Variants in EMC3 observed in about 807,000 individuals in gnomAD.
EMC3 encodes 30 kDa protein.
A neutral mutation model predicts 36.6 loss-of-function variants in EMC3; 13 were observed. The observed-to-expected ratio is 0.35, with a 90% CI of 0.23 to 0.56. EMC3 has a LOEUF of 0.56. Among genes scored for constraint, EMC3 ranks in the 20% least tolerant of loss-of-function variants. The pLI, the probability that EMC3 is intolerant of heterozygous loss-of-function variation, is 0.84. For synonymous variants in EMC3, 120 were observed against 111.9 expected (o/e 1.07, Z -0.46); for missense variants, 220 against 324.5 (o/e 0.68, Z 2.47).
At chr3:9,990,325 C>CTCTCTTTT (rs756491768), upstream of EMC3, among the ~76,000 whole-genome samples, 202 of 88,692 alleles carry the variant, frequency 2.3e-3, 3 homozygotes, top group African/African-American at 0.011. Flanking sequence ...GGGCCTTTCT[C>CTCTCTTTT]TTTTTTTTTT....
At chr3:9,988,366 T>G, upstream of EMC3, 1 of 1,145,806 alleles carries the variant, frequency 8.7e-7, no homozygotes, top group African/African-American at 1.5e-5. Flanking sequence ...TCTCTGCTAC[T>G]TGTAATTCCT....
intron 7 of EMC3, among the ~76,000 whole-genome samples, chr3:9,965,543 C>T (rs546421497): frequency 6.6e-6 from 1 of 152,082 alleles, no homozygotes; most frequent in Admixed American, 6.6e-5. Context: ...TACAATTTAC[C>T]CCTTTAATGT....
Position 9,994,039 on chromosome 3 carries a change from T to A in EMC3, c.-241-7137A>T, listed in dbSNP as rs2086091322. 1.3e-5 allele frequency: 15 copies of A among 1,140,086 alleles called. No homozygotes were observed. In the East Asian group the frequency reaches 4.0e-4, roughly 30 times the overall value. The allele number at this position is 1,140,086 out of a possible 1,614,324, so 70.6% of individuals were successfully genotyped here. A position where few individuals can be genotyped will look rare whatever the true frequency, so the allele number is the denominator to read the frequency against. On this transcript the variant is annotated intron_variant, in intron 1 of 8. Coordinates refer to the EMC3 transcript ENST00000470827. Reference sequence around the variant, plus strand: ...AAAACTCAGAATGGTGAAGGATTATTCTGTGTAAAACAAAGATTAAGATTT... The same window carrying A: ...AAAACTCAGAATGGTGAAGGATTATACTGTGTAAAACAAAGATTAAGATTT...
intron 1 of EMC3, among the ~76,000 whole-genome samples, chr3:9,984,763 G>T (rs2085951838): frequency 6.6e-6 from 1 of 152,176 alleles, no homozygotes; most frequent in South Asian, 2.1e-4. Context: ...TAATGCTACA[G>T]AAAGATAAAG....
At chr3:9,965,456 A>AGAT (rs1226001787) in intron 7 of EMC3, among the ~76,000 whole-genome samples, 1 of 150,708 alleles carries the variant, frequency 6.6e-6, no homozygotes, top group Non-Finnish European at 1.5e-5. Flanking sequence ...ATAGATAGAT[A>AGAT]GATAGAACAA....
At chr3:9,988,299 GCAGGAATTCA>G (rs1201666558), upstream of EMC3, 7 of 718,212 alleles carry the variant, frequency 9.7e-6, no homozygotes, top group Non-Finnish European at 1.8e-5. Context: ...TGGCTACTAA[GCAGGAATTCA>G]CATCTTGTAA....
rs750227680 is a variant in EMC3, at chr3:10,007,393, G to C, written c.-242+3630C>G. On this transcript the variant is annotated intron_variant, in intron 1 of 8. Transcript: ENST00000470827. The stretch of plus-strand genomic sequence containing the variant: ...ATCCTGAAGCCCTGGGAACCAGACT[G>C]TGCTGGGGTCAGTGGCGGGGTGTGG... 108 of 1,367,404 alleles carry C rather than the reference G, an allele frequency of 7.9e-5. 1 individual carries two copies. The South Asian group carries it at 9.3e-4, about 12-fold the overall frequency. 84.7% of individuals were successfully genotyped at this position (1,367,404 alleles called of 1,614,324 possible).
At chr3:9,986,864 G>C (rs1575687500), upstream of EMC3, 2 of 1,374,484 alleles carry the variant, frequency 1.5e-6, no homozygotes, top group East Asian at 5.4e-5. Context: ...TTGACGTCAC[G>C]TCGTGGCGCA....
At chr3:9,967,529 G>C (rs2085746039) in intron 7 of EMC3, among the ~76,000 whole-genome samples, 1 of 147,566 alleles carries the variant, frequency 6.8e-6, no homozygotes, top group Non-Finnish European at 1.5e-5. Context: ...ATAAATAGAT[G>C]TGTTTATTTC....
At position 9,986,580 on chromosome 3, in the gene EMC3, C is replaced by T; in HGVS notation, c.82G>A (p.Gly28Ser). The T allele has an allele frequency of 6.2e-7, 1 of 1,614,198 alleles. No homozygotes were observed. Among genetic ancestry groups the T allele is most frequent in the Non-Finnish European group, 8.5e-7 (1 of 1,180,030 alleles). Residue 28 changes from glycine (G) to serine (S), a missense_variant, in exon 1 of 8, where the codon GGC becomes AGC. Gly to Ser is a moderately conservative substitution (Grantham distance 56). Transcript: ENST00000245046. ...ATGGACACGTAGTGGCGGATCATGC[C>T]TACGAAGAAAGTGATGATAACGATG... is the stretch of plus-strand genomic sequence containing the variant. Reference protein sequence around the residue: ...LPIVIITFFVGMIRHYVSILL... With the variant: ...LPIVIITFFVSMIRHYVSILL...
intron 1 of EMC3, chr3:10,002,682 A>T: frequency 2.6e-6 from 1 of 390,498 alleles, no homozygotes; most frequent in Non-Finnish European, 5.1e-6. Flanking sequence ...CCCTGGCTCA[A>T]CAAGCCCCTG....
chr3:9,972,462 GAAAAAAAAAA>G (rs34891720), intron 5 of EMC3, among the ~76,000 whole-genome samples: 1 of 90,734 alleles, frequency 1.1e-5, no homozygotes, highest in East Asian at 3.5e-4. Flanking sequence ...GAGTTTCAAT[GAAAAAAAAAA>G]AAAAAAAAAA....
chr3:10,009,556 C>T (rs2086301886), intron 1 of EMC3, among the ~76,000 whole-genome samples: 1 of 152,214 alleles, frequency 6.6e-6, no homozygotes, highest in Non-Finnish European at 1.5e-5. Context: ...CATCTAGAAG[C>T]ATCACGGGGT....
intron 3 of EMC3, among the ~76,000 whole-genome samples, chr3:9,975,545 G>C (rs1176585649): frequency 6.6e-6 from 1 of 151,826 alleles, no homozygotes. Flanking sequence ...AGGCACGGTG[G>C]CTCACACCTG....
intron 1 of EMC3, chr3:9,981,862 T>C (rs1358307712): frequency 8.9e-6 from 3 of 337,200 alleles, no homozygotes; most frequent in Admixed American, 4.2e-5. Context: ...CTGAGAACCA[T>C]TTTTTACACA....
At chr3:9,967,931 CT>C (rs774092576) in intron 7 of EMC3, among the ~76,000 whole-genome samples, 1 of 151,650 alleles carries the variant, frequency 6.6e-6, no homozygotes, top group Non-Finnish European at 1.5e-5. Context: ...AAGGCCATTT[CT>C]TTTTTTTTGA....
upstream of EMC3, chr3:9,986,924 A>C (rs1181286682): frequency 2.4e-6 from 3 of 1,259,026 alleles, no homozygotes; most frequent in African/African-American, 1.5e-5. Flanking sequence ...GTGGAAAACT[A>C]TCGGCGGTGG....
rs1015386324 is a variant in EMC3 at position 9,963,123 on chromosome 3, G to C, written c.*946C>G. The C allele has an allele frequency of 1.3e-5, 2 of 152,128 alleles. No homozygotes were observed. Among genetic ancestry groups the C allele is most frequent in the Non-Finnish European group, 2.9e-5 (2 of 68,036 alleles). The allele number at this position is 152,128 out of a possible 1,614,324, so 9.4% of individuals were successfully genotyped here. On this transcript the variant is annotated 3_prime_UTR_variant, in exon 8 of 8. Coordinates refer to ENST00000245046, the MANE Select transcript of EMC3 (RefSeq NM_001394674.1). ...CTGGGCAGAATTAAGTGATATAGAA[G>C]GTTTGCTGAGTCTGTCCTGACCCTG...
intron 7 of EMC3, among the ~76,000 whole-genome samples, chr3:9,965,455 TA>T (rs2085728247): frequency 6.7e-6 from 1 of 150,222 alleles, no homozygotes; most frequent in Admixed American, 6.7e-5. Flanking sequence ...GATAGATAGA[TA>T]GATAGAACAA....
Sources: gnomAD v4.1 joint callset for allele counts (sites outside exome capture counted in the v4.1 genomes callset) on GRCh38, gnomAD v4.1.1 for gene constraint, MANE v1.5 for transcripts, NCBI Gene and HGNC (gene_info 2026-07-23, HGNC 2026-07-21) for gene names.